The following PLAT variants were observed in gnomAD, a reference collection of about 807,000 sequenced individuals.
PLAT encodes the protein plasminogen activator, tissue type.
Under a neutral mutation model 74.9 loss-of-function variants are expected in PLAT, and 48 were observed. The ratio of observed to expected loss-of-function variants is 0.64; its 90% CI spans 0.51 to 0.82. PLAT has a LOEUF of 0.82. PLAT is among the 40% of genes least tolerant of loss of function. The pLI is 0.00. For synonymous variants in PLAT, 307 were observed against 294.4 expected (o/e 1.04, Z -0.44); for missense variants, 673 against 736.2 (o/e 0.91, Z 0.99).
chr8:42,191,296 T>G, intron 3 of PLAT, 76 bp downstream of exon 3: 1 of 1,160,494 alleles, frequency 8.6e-7, no homozygotes. Flanking sequence ...AGGCAGGTGG[T>G]GGGTGGGTGA....
intron 1 of PLAT, among the ~76,000 whole-genome samples, chr8:42,198,635 C>G (rs972838134): frequency 1.3e-5 from 2 of 152,178 alleles, no homozygotes; most frequent in Non-Finnish European, 2.9e-5. Context: ...AAGGCAGAAA[C>G]GTGAGCAAGC....
chr8:42,182,614 C>G lies in PLAT; in HGVS notation c.803+105G>C, dbSNP rs1019266266. On this transcript the variant is annotated intron_variant, in intron 8 of 13. Coordinates refer to ENST00000220809, the MANE Select transcript of PLAT (RefSeq NM_000930.5). ...AGATAATATCCATGGGTGCTTCCCA[C>G]GCACTGGGTCTGTCATGCAACTTGA... The G allele has an allele frequency of 4.3e-5, 34 of 793,860 alleles. No individual in the cohort carries two copies. In the Admixed American group the frequency reaches 8.3e-4, roughly 19 times the overall value. The allele number at this position is 793,860 out of a possible 1,614,324, so 49.2% of individuals were successfully genotyped here.
At position 42,185,062 on chromosome 8, in the gene PLAT, C is replaced by G. The variant is rs377614660; in HGVS notation, c.631+19G>C. ...TCCCCCAGGGACATTCAGGGAAAGG[C>G]GGGGTGGCTGCCACTTACCCTCAGA... On this transcript the variant is annotated intron_variant, in intron 7 of 13. Coordinates refer to ENST00000220809, the MANE Select transcript of PLAT (RefSeq NM_000930.5). 1.3e-6 allele frequency: 2 copies of G among 1,542,980 alleles called. No individual in the cohort carries two copies. Among genetic ancestry groups the G allele is most frequent in the East Asian group, 2.3e-5 (1 of 43,480 alleles).
chr8:42,188,394 T>C (rs1805564913), intron 4 of PLAT: 3 of 186,442 alleles, frequency 1.6e-5, no homozygotes, highest in Non-Finnish European at 3.3e-5. Context: ...TTCCCACCTC[T>C]TTATAGATGA....
At chr8:42,186,726 C>T (rs1805472409) in intron 6 of PLAT, 1 of 152,114 alleles carries the variant, frequency 6.6e-6, no homozygotes, top group Admixed American at 6.5e-5. Flanking sequence ...TCCTCTTTCT[C>T]TATCTCTATC....
At chr8:42,203,545 C>G (rs1389262024) in intron 1 of PLAT, among the ~76,000 whole-genome samples, 1 of 152,210 alleles carries the variant, frequency 6.6e-6, no homozygotes, top group Non-Finnish European at 1.5e-5. Context: ...TTCATCTTCA[C>G]TCTGTCACAG....
chr8:42,187,697 G>A, intron 5 of PLAT, 125 bp from the exon 6 acceptor site: 1 of 921,006 alleles, frequency 1.1e-6, no homozygotes, highest in Non-Finnish European at 1.6e-6. Context: ...GCCACAGGCT[G>A]GGTGGCAAGG....
chr8:42,201,094 T>C (rs1215130548), intron 1 of PLAT, among the ~76,000 whole-genome samples: 1 of 152,208 alleles, frequency 6.6e-6, no homozygotes, highest in Non-Finnish European at 1.5e-5. Flanking sequence ...CCTCCCAAAG[T>C]GCTAGGATTA....
rs1720798022 is a variant in PLAT at position 42,180,340 on chromosome 8, G to C, written c.1124C>G (p.Thr375Arg). ...PHHLTVILGRTYRVVPGEEEQ... is the reference protein window; with the variant it reads ...PHHLTVILGRRYRVVPGEEEQ... ...CTCCTCGCCAGGGACCACCCGGTAT[G>C]TTCTGCCCAAGATCACCGTCAGGTG... The change falls in exon 11 of 14, where the codon ACA becomes AGA. Residue 375 changes from threonine to arginine, a missense_variant. By Grantham distance (71) the Thr-to-Arg change is moderately conservative. Transcript: ENST00000220809. The C allele has an allele frequency of 3.1e-6, 5 of 1,614,230 alleles. No individual in the cohort carries two copies. Among genetic ancestry groups the C allele is most frequent in the Non-Finnish European group, 4.2e-6 (5 of 1,180,006 alleles).
intron 1 of PLAT, among the ~76,000 whole-genome samples, chr8:42,204,014 CACACACACACACACAT>C (rs1806241676): frequency 7.0e-6 from 1 of 142,106 alleles, no homozygotes; most frequent in South Asian, 2.2e-4. Context: ...CACACACACA[CACACACACACACACAT>C]ACAAACACAT....
intron 9 of PLAT, among the ~76,000 whole-genome samples, chr8:42,181,103 C>T (rs1465988406): frequency 6.6e-6 from 1 of 152,244 alleles, no homozygotes; most frequent in Non-Finnish European, 1.5e-5. Flanking sequence ...CAAAGCTTTC[C>T]TGACGTCCCC....
At chr8:42,196,744 G>T (rs1291698375) in intron 1 of PLAT, among the ~76,000 whole-genome samples, 2 of 151,966 alleles carry the variant, frequency 1.3e-5, no homozygotes, top group Non-Finnish European at 2.9e-5. Context: ...AGGGATGGAA[G>T]AGGCTCATTT....
intron 13 of PLAT, among the ~76,000 whole-genome samples, 153 bp from the exon 14 acceptor site, chr8:42,176,304 A>T (rs961998065): frequency 6.6e-6 from 1 of 152,222 alleles, no homozygotes; most frequent in African/African-American, 2.4e-5. Context: ...TTTGATGAGG[A>T]AAACAAAAAT....
chr8:42,193,048 G>T, intron 2 of PLAT, 66 bp downstream of exon 2: 1 of 1,137,542 alleles, frequency 8.8e-7, no homozygotes, highest in Non-Finnish European at 1.3e-6. Context: ...GATGGACACA[G>T]ACCCCTGGAG....
rs115475531 is a variant in PLAT, at chr8:42,182,832, G to A, written c.690C>T (p.Thr230=). 7.6e-4 allele frequency: 1,224 copies of A among 1,613,610 alleles called. 13 individuals are homozygous for A. The Middle Eastern group carries it at 8.4e-3, about 11-fold the overall frequency. ...GSAYRGTHSL[T]ESGASCLPWN... The stretch of plus-strand genomic sequence containing the variant: ...ACGGGAGGCAGGAGGCACCCGACTC[G>A]GTGAGGCTGTGCGTGCCACGGTAGG... The change falls in exon 8 of 14, where the codon ACC becomes ACT. Residue 230 remains threonine (T), a synonymous_variant. Transcript: ENST00000220809.
chr8:42,205,749 T>G (rs950276706), intron 1 of PLAT, among the ~76,000 whole-genome samples: 1 of 152,188 alleles, frequency 6.6e-6, no homozygotes, highest in Non-Finnish European at 1.5e-5. Flanking sequence ...GTCTCATGTC[T>G]CCCTGAAATG....
Position 42,175,913 on chromosome 8 carries a change from G to T in PLAT, c.*80C>A. 1 of 1,426,854 alleles carries T rather than the reference G, an allele frequency of 7.0e-7. No individual in the cohort carries two copies. Among genetic ancestry groups the T allele is most frequent in the Non-Finnish European group, 9.8e-7 (1 of 1,022,988 alleles). The allele number at this position is 1,426,854 out of a possible 1,614,324, so 88.4% of individuals were successfully genotyped here. ...TGGTGGGTCTGGAGAAGTCTGTAGA[G>T]AAGCACTGCGCCTTTGCAGTGTCTT... On this transcript the variant is annotated 3_prime_UTR_variant, in exon 14 of 14. Coordinates refer to ENST00000220809, the MANE Select transcript of PLAT (RefSeq NM_000930.5).
rs972774014 is a variant in PLAT at position 42,203,986 on chromosome 8, T to A, written c.-27+3508A>T. Among the ~76,000 whole-genome samples, 49 of 120,072 alleles carry A rather than the reference T, an allele frequency of 4.1e-4. 2 individuals are homozygous for A. Among genetic ancestry groups the A allele is most frequent in the African/African-American group, 1.4e-3 (26 of 17,984 alleles). The allele number at this position is 120,072 out of a possible 152,430, so 78.8% of individuals were successfully genotyped here. On this transcript the variant is annotated intron_variant, in intron 1 of 13. Coordinates refer to ENST00000220809, the MANE Select transcript of PLAT (RefSeq NM_000930.5). Reference sequence around the variant, plus strand: ...TCTCTAAATTATATATATATATATATATATATACACACACACACACACACA... The same window carrying A: ...TCTCTAAATTATATATATATATATAAATATATACACACACACACACACACA...
chr8:42,200,251 G>A (rs1419587883), intron 1 of PLAT, among the ~76,000 whole-genome samples: 1 of 152,142 alleles, frequency 6.6e-6, no homozygotes, highest in Non-Finnish European at 1.5e-5. Context: ...TCAAAAAAGT[G>A]TAAGGGGCTG....
Sources: allele counts gnomAD v4.1 joint callset (sites outside exome capture counted in the v4.1 genomes callset), GRCh38; gene constraint gnomAD v4.1.1; transcripts MANE v1.5; gene names NCBI Gene and HGNC (gene_info 2026-07-23, HGNC 2026-07-21).